Variants in NAV1 observed in about 807,000 individuals in gnomAD.
The protein encoded by NAV1 is neuron navigator 1.
In NAV1, 18 loss-of-function variants were observed where a neutral mutation model predicts 175.2. The ratio of observed to expected loss-of-function variants is 0.10; its 90% CI spans 0.07 to 0.15. NAV1 has a LOEUF of 0.15. NAV1 is among the 10% of genes least tolerant of loss of function. NAV1 has a pLI of 1.00. For missense variants in NAV1, 1,731 were observed against 2,436.6 expected, an observed-to-expected ratio of 0.71 and a Z score of 6.10; for synonymous variants, 897 against 978.7, an observed-to-expected ratio of 0.92 and a Z score of 1.56.
chr1:201,614,600 C>G (rs904355265), intron 2 of NAV1, among the ~76,000 whole-genome samples: 1 of 152,224 alleles, frequency 6.6e-6, no homozygotes, highest in South Asian at 2.1e-4. Flanking sequence ...AAAACACTTC[C>G]TTGCTCTGGG....
At chr1:201,574,946 A>T (rs1666652570) in intron 1 of NAV1, among the ~76,000 whole-genome samples, 1 of 152,186 alleles carries the variant, frequency 6.6e-6, no homozygotes, top group African/African-American at 2.4e-5. Flanking sequence ...ACAGTGCCAG[A>T]GGCCCCACAC....
chr1:201,790,762 C>T, exon 13 of NAV1: 1 of 1,613,994 alleles, frequency 6.2e-7, no homozygotes, highest in South Asian at 1.1e-5. Flanking sequence ...CAGCTTTCTG[C>T]CAATGTGAGT....
chr1:201,733,265 A>T (rs531686783), intron 3 of NAV1: 1 of 152,258 alleles, frequency 6.6e-6, no homozygotes, highest in African/African-American at 2.4e-5. Context: ...CTGTAGTCCC[A>T]GCTACTTGGG....
At chr1:201,587,947 T>G (rs1667081205) in intron 1 of NAV1, among the ~76,000 whole-genome samples, 1 of 152,210 alleles carries the variant, frequency 6.6e-6, no homozygotes, top group East Asian at 1.9e-4. Context: ...AAATTGGAAC[T>G]CTCAGAGATT....
intron 3 of NAV1, among the ~76,000 whole-genome samples, chr1:201,747,946 AC>A (rs1457881264): frequency 6.6e-6 from 1 of 152,000 alleles, no homozygotes; most frequent in East Asian, 1.9e-4. Flanking sequence ...CCTTACGTCA[AC>A]CCCACCGGAA....
intron 2 of NAV1, among the ~76,000 whole-genome samples, chr1:201,643,147 CCTCT>C (rs144040451): frequency 0.043 from 6,263 of 145,308 alleles, 186 homozygotes; most frequent in Non-Finnish European, 0.069. Flanking sequence ...TTCCTTCCTT[CCTCT>C]CTCTCTTTCT....
upstream of NAV1, among the ~76,000 whole-genome samples, chr1:201,621,532 A>G (rs1299877392): frequency 6.6e-6 from 1 of 151,150 alleles, no homozygotes; most frequent in Non-Finnish European, 1.5e-5. Flanking sequence ...GGGTTTCATC[A>G]TGTTGGCCAG....
At chr1:201,629,361 G>A in intron 1 of NAV1, 43 bp from the exon 4 acceptor site, 1 of 1,250,414 alleles carries the variant, frequency 8.0e-7, no homozygotes, top group Non-Finnish European at 1.1e-6. Context: ...TTAGAGACCA[G>A]GACATCTCTA....
At chr1:201,785,058 G>A (rs1013436427) in intron 7 of NAV1, among the ~76,000 whole-genome samples, 5 of 152,224 alleles carry the variant, frequency 3.3e-5, no homozygotes, top group African/African-American at 1.2e-4. Flanking sequence ...GTGAGCTACG[G>A]CGCCCGGCCT....
At chr1:201,710,096 T>C (rs2102464917) in intron 1 of NAV1, among the ~76,000 whole-genome samples, 1 of 151,382 alleles carries the variant, frequency 6.6e-6, no homozygotes, top group Non-Finnish European at 1.5e-5. Flanking sequence ...ATCTGGAGCA[T>C]CTGGGGCATT....
chr1:201,648,727 G>A, exon 1 of NAV1: 1 of 1,414,412 alleles, frequency 7.1e-7, no homozygotes, highest in African/African-American at 1.5e-5. Flanking sequence ...AGCGGCGGCG[G>A]CGACGAGGGC....
intron 3 of NAV1, among the ~76,000 whole-genome samples, chr1:201,757,999 CAT>C (rs1219999754): frequency 6.6e-6 from 1 of 152,248 alleles, no homozygotes; most frequent in Non-Finnish European, 1.5e-5. Flanking sequence ...TGCCCCCATC[CAT>C]ATGTCTCAGT....
chr1:201,822,465 A>G (rs1276582429), exon 30 of NAV1: 1 of 152,642 alleles, frequency 6.6e-6, no homozygotes, highest in East Asian at 1.9e-4. Flanking sequence ...CATGGATGTT[A>G]CTGGCTACTT....
chr1:201,770,878 C>A (rs1353866987), intron 3 of NAV1, among the ~76,000 whole-genome samples: 1 of 152,160 alleles, frequency 6.6e-6, no homozygotes, highest in Non-Finnish European at 1.5e-5. Context: ...CCTGCCCCCA[C>A]CCAATGTACA....
At chr1:201,630,791 G>A (rs1011999039) in intron 2 of NAV1, among the ~76,000 whole-genome samples, 5 of 152,244 alleles carry the variant, frequency 3.3e-5, no homozygotes, top group Non-Finnish European at 7.3e-5. Context: ...GAATTAGAAT[G>A]TGGTAACCAG....
chr1:201,681,619 C>T (rs1396220278), intron 1 of NAV1, among the ~76,000 whole-genome samples: 1 of 152,190 alleles, frequency 6.6e-6, no homozygotes, highest in African/African-American at 2.4e-5. Context: ...AAGCAATATC[C>T]CCAGCCTGGA....
At chr1:201,640,852 A>G (rs1376056156) in intron 2 of NAV1, among the ~76,000 whole-genome samples, 1 of 152,192 alleles carries the variant, frequency 6.6e-6, no homozygotes, top group South Asian at 2.1e-4. Flanking sequence ...TCATTCACCA[A>G]ATATTTTTGA....
chr1:201,748,985 TA>T lies in NAV1; in HGVS notation c.1226+30235del, dbSNP rs1428621461. ...CAACATGACGAAACCCAATCTCTACTAAAAATACAAAAATTATCCAGGCATG... is the reference window on the plus strand; with the variant it reads ...CAACATGACGAAACCCAATCTCTACTAAAATACAAAAATTATCCAGGCATG... On this transcript the variant is annotated intron_variant, in intron 3 of 29. Coordinates refer to ENST00000367296, the Ensembl canonical transcript of NAV1. Among the ~76,000 whole-genome samples, 3 of 152,126 alleles carry T rather than the reference TA, an allele frequency of 2.0e-5. No individual in the cohort carries two copies. In the East Asian group the frequency reaches 5.8e-4, roughly 29 times the overall value.
chr1:201,668,886 T>G (rs542275413), intron 1 of NAV1, among the ~76,000 whole-genome samples: 1 of 152,220 alleles, frequency 6.6e-6, no homozygotes, highest in East Asian at 1.9e-4. Context: ...TGCTTCCTTT[T>G]CCTAACTCCT....
Sources: gnomAD v4.1 joint callset for allele counts (sites outside exome capture counted in the v4.1 genomes callset) on GRCh38, gnomAD v4.1.1 for gene constraint, MANE v1.5 for transcripts, NCBI Gene and HGNC (gene_info 2026-07-23, HGNC 2026-07-21) for gene names.